Variants in RNF17 observed in about 807,000 individuals in gnomAD.
The protein encoded by RNF17 is ring finger protein 17, also known as spermatogenesis associated 23.
RNF17 carries 31 observed loss-of-function variants against 200.5 expected under a neutral mutation model. The observed-to-expected ratio is 0.15, with a 90% confidence interval of 0.12 to 0.21. RNF17 has a LOEUF of 0.21. Ranked by LOEUF, RNF17 falls within the 10% of genes least tolerant of loss-of-function variation. RNF17 has a pLI of 1.00. For synonymous variants in RNF17, 606 were observed against 637.8 expected (o/e 0.95, Z 0.75); for missense variants, 1,628 against 1,905.1 (o/e 0.85, Z 2.71).
intron 2 of RNF17, 28 bp downstream of exon 2, chr13:24,767,394 C>G (rs1566108994): frequency 3.7e-6 from 5 of 1,343,022 alleles, no homozygotes; most frequent in Non-Finnish European, 5.3e-6. Context: ...TCAGATGAAA[C>G]ATATCACAAC....
At chr13:24,823,935 T>G (rs1189693899) in intron 15 of RNF17, among the ~76,000 whole-genome samples, 1 of 152,208 alleles carries the variant, frequency 6.6e-6, no homozygotes, top group Non-Finnish European at 1.5e-5. Context: ...AAACTAGCTC[T>G]TTGCATCAGT....
chr13:24,888,314 G>C, the RNF17 span, among the ~76,000 whole-genome samples: 3 of 151,918 alleles, frequency 2.0e-5, no homozygotes, highest in African/African-American at 7.3e-5. Context: ...TATTAGCAGT[G>C]CTTGTAACTG....
intron 18 of RNF17, among the ~76,000 whole-genome samples, chr13:24,833,572 C>T (rs1316976709): frequency 6.6e-6 from 1 of 151,580 alleles, no homozygotes; most frequent in African/African-American, 2.4e-5. Context: ...TTCCCATGGA[C>T]AGTCAATCAA....
At chr13:24,827,090 C>T (rs537439891) in intron 16 of RNF17, among the ~76,000 whole-genome samples, 113 of 151,746 alleles carry the variant, frequency 7.4e-4, no homozygotes, top group Non-Finnish European at 1.2e-3. Flanking sequence ...TCACCACGCC[C>T]GGCTAATTTT....
chr13:24,885,276 C>T, the RNF17 span: 9 of 1,575,946 alleles, frequency 5.7e-6, no homozygotes, highest in East Asian at 2.2e-5. Flanking sequence ...ATTTTTTAAC[C>T]TTTCCATCAG....
At chr13:24,764,160 C>T (rs540461409), upstream of RNF17, 9 of 1,539,582 alleles carry the variant, frequency 5.8e-6, no homozygotes, top group East Asian at 1.4e-4. Context: ...GCGAGGGCCG[C>T]CGGGACTCGC....
intron 15 of RNF17, among the ~76,000 whole-genome samples, chr13:24,807,591 A>G (rs1456657929): frequency 6.6e-6 from 1 of 152,052 alleles, no homozygotes; most frequent in Non-Finnish European, 1.5e-5. Flanking sequence ...CCCATTTTGT[A>G]GGTTGTCTGT....
chr13:24,870,081 A>G (rs1420471132), intron 31 of RNF17, among the ~76,000 whole-genome samples: 1 of 151,674 alleles, frequency 6.6e-6, no homozygotes, highest in Non-Finnish European at 1.5e-5. Flanking sequence ...AGCTGGGACT[A>G]CAGGCGGCTG....
At chr13:24,806,609 G>T (rs892514927) in intron 15 of RNF17, among the ~76,000 whole-genome samples, 1 of 152,102 alleles carries the variant, frequency 6.6e-6, no homozygotes, top group Admixed American at 6.5e-5. Context: ...TCATATGTTT[G>T]TTGGTCACAG....
Position 24,781,863 on chromosome 13 carries a change from A to G in RNF17, c.530A>G (p.Lys177Arg). The G allele has an allele frequency of 6.2e-7, 1 of 1,609,752 alleles. No homozygotes were observed. Residue 177 changes from lysine to arginine, a missense_variant, in exon 6 of 36, where the codon AAG (lysine) becomes AGG (arginine). Around this residue, in one of 5 missense-constraint regions of RNF17, gnomAD observed 502 missense variants for 501.7 expected, o/e 1.00. Coordinates refer to ENST00000255324, the MANE Select transcript of RNF17 (RefSeq NM_031277.3). ...TTCCAGGCACTTGAACACATGCAGA[A>G]GCAAACGATAGAGGAAAGAGAAAGA... Reference protein sequence around the residue: ...IAGKALEHMQKQTIEERERVI... With the variant: ...IAGKALEHMQRQTIEERERVI...
At chr13:24,829,276 G>T (rs948446383) in intron 16 of RNF17, among the ~76,000 whole-genome samples, 5 of 152,080 alleles carry the variant, frequency 3.3e-5, no homozygotes, top group African/African-American at 9.7e-5. Context: ...TCTTCCCATA[G>T]TTTCTCCAGA....
rs556825584 is a variant in RNF17 at position 24,814,641 on chromosome 13, A to G, written c.2091+10212A>G. ...GAAAACACTGTCTTTTCCCCCATTG[A>G]ATGGTCTTGGCACCCTTGTTAAAAG... On this transcript the variant is annotated intron_variant, in intron 15 of 35. Transcript: ENST00000255324. 2.6e-5 allele frequency among the ~76,000 whole-genome samples: 4 copies of G among 152,304 alleles called. No homozygotes were observed. The East Asian group carries it at 7.7e-4, about 29-fold the overall frequency.
downstream of RNF17, among the ~76,000 whole-genome samples, chr13:24,880,566 C>T (rs1332029871): frequency 6.6e-6 from 1 of 152,054 alleles, no homozygotes; most frequent in Admixed American, 6.6e-5. Flanking sequence ...ATTTTATTTG[C>T]TCTTTAATCC....
At chr13:24,874,721 T>A (rs1466586846) in intron 33 of RNF17, among the ~76,000 whole-genome samples, 1 of 152,172 alleles carries the variant, frequency 6.6e-6, no homozygotes, top group African/African-American at 2.4e-5. Flanking sequence ...CCATTTTAGT[T>A]ATTTTTAGGT....
chr13:24,796,926 A>C (rs896855216), intron 11 of RNF17, among the ~76,000 whole-genome samples: 1 of 152,214 alleles, frequency 6.6e-6, no homozygotes, highest in East Asian at 1.9e-4. Flanking sequence ...ATATATAACT[A>C]ATACAGAAAG....
chr13:24,806,241 A>G (rs1885834111), intron 15 of RNF17, among the ~76,000 whole-genome samples: 1 of 151,962 alleles, frequency 6.6e-6, no homozygotes, highest in Non-Finnish European at 1.5e-5. Flanking sequence ...TATGTGCCAT[A>G]TTTTCTTTAT....
intron 15 of RNF17, chr13:24,824,492 A>G (rs1259711905): frequency 3.7e-6 from 1 of 267,408 alleles, no homozygotes; most frequent in African/African-American, 2.2e-5. Flanking sequence ...ATTGAAATAG[A>G]TTTCAAAATA....
In RNF17 at chr13:24,844,704, A is replaced by C. The variant is rs1178729222; in HGVS notation, c.2884A>C (p.Lys962Gln). The change falls in exon 21 of 36, where the codon AAA becomes CAA. Residue 962 changes from lysine (K) to glutamine (Q), a missense_variant. By Grantham distance (53) the Lys-to-Gln change is moderately conservative. Coordinates refer to ENST00000255324, the MANE Select transcript of RNF17 (RefSeq NM_031277.3). ...AYENSKWEPV[K>Q]WENDMHCAVK... ...TGAAAACTCAAAATGGGAACCTGTT[A>C]AATGGGAAAATGATATGCACTGTGC... The C allele has an allele frequency of 6.2e-7, 1 of 1,611,846 alleles. No homozygotes were observed. The highest frequency in any genetic ancestry group is 8.5e-7 in the Non-Finnish European group (1 of 1,178,120).
At chr13:24,857,379 A>T (rs963673866) in intron 25 of RNF17, among the ~76,000 whole-genome samples, 2 of 152,214 alleles carry the variant, frequency 1.3e-5, no homozygotes, top group Non-Finnish European at 2.9e-5. Context: ...ACCAGTGATT[A>T]TGTAGACATC....
Sources: gnomAD v4.1 joint callset for allele counts (sites outside exome capture counted in the v4.1 genomes callset) on GRCh38, gnomAD v4.1.1 for gene constraint, gnomAD v4.1.1 regional missense constraint, MANE v1.5 for transcripts, NCBI Gene and HGNC (gene_info 2026-07-23, HGNC 2026-07-21) for gene names.